Variants in GPBP1 observed in about 807,000 individuals in gnomAD.
GPBP1 encodes GC-rich promoter binding protein 1.
GPBP1 carries 13 observed loss-of-function variants against 56.5 expected under a neutral mutation model. The ratio of observed to expected loss-of-function variants is 0.23; its 90% confidence interval spans 0.15 to 0.37. GPBP1 has a LOEUF of 0.37. Among genes scored for constraint, GPBP1 ranks in the 10% least tolerant of loss-of-function variants. The pLI is 1.00. For missense variants in GPBP1, 477 were observed against 572.3 expected, an observed-to-expected ratio of 0.83 and a Z score of 1.70; for synonymous variants, 204 against 188.9, an observed-to-expected ratio of 1.08 and a Z score of -0.66.
At chr5:57,227,216 C>A (rs1045456746) in intron 3 of GPBP1, among the ~76,000 whole-genome samples, 2 of 152,102 alleles carry the variant, frequency 1.3e-5, no homozygotes, top group Non-Finnish European at 1.5e-5. Flanking sequence ...CCATACCCAG[C>A]TAATTTTTGT....
chr5:57,183,627 A>G (rs1285563198), intron 2 of GPBP1, among the ~76,000 whole-genome samples: 1 of 152,102 alleles, frequency 6.6e-6, no homozygotes, highest in Non-Finnish European at 1.5e-5. Flanking sequence ...TATGCACCAA[A>G]CAAGAACCGC....
At chr5:57,208,818 A>G (rs1433465939) in intron 2 of GPBP1, among the ~76,000 whole-genome samples, 3 of 151,588 alleles carry the variant, frequency 2.0e-5, no homozygotes, top group Non-Finnish European at 2.9e-5. Flanking sequence ...CTCCATGCCC[A>G]GCTAATACTT....
intron 2 of GPBP1, among the ~76,000 whole-genome samples, chr5:57,193,064 C>T (rs1023712521): frequency 6.6e-6 from 1 of 152,190 alleles, no homozygotes; most frequent in Non-Finnish European, 1.5e-5. Flanking sequence ...TGTCTGTAAT[C>T]CCAGCACTTT....
intron 10 of GPBP1, among the ~76,000 whole-genome samples, chr5:57,255,147 CTG>C (rs761690896): frequency 9.9e-5 from 15 of 152,088 alleles, no homozygotes; most frequent in Non-Finnish European, 1.9e-4. Flanking sequence ...AATTGTGAAA[CTG>C]TTTTCCTGTG....
chr5:57,183,681 G>A (rs1353950508), intron 2 of GPBP1, among the ~76,000 whole-genome samples: 1 of 151,932 alleles, frequency 6.6e-6, no homozygotes, highest in Non-Finnish European at 1.5e-5. Context: ...TGTAGTATAA[G>A]GGAAATACTA....
chr5:57,226,515 TGA>T (rs2111829094), intron 3 of GPBP1, among the ~76,000 whole-genome samples: 2 of 151,512 alleles, frequency 1.3e-5, no homozygotes, highest in Admixed American at 6.6e-5. Context: ...GGTAGATCAT[TGA>T]GAGAGGCAAT....
intron 6 of GPBP1, among the ~76,000 whole-genome samples, chr5:57,240,055 G>GC (rs1187185671): frequency 6.6e-6 from 1 of 152,000 alleles, no homozygotes; most frequent in Non-Finnish European, 1.5e-5. Context: ...GGGGCCAGGA[G>GC]CTCTCATAGG....
intron 11 of GPBP1, among the ~76,000 whole-genome samples, chr5:57,262,155 T>A (rs1201082118): frequency 1.3e-5 from 2 of 152,252 alleles, no homozygotes; most frequent in Non-Finnish European, 2.9e-5. Context: ...TTATGATTTC[T>A]CATTTTCAGA....
chr5:57,204,121 A>G (rs918070649), intron 2 of GPBP1, among the ~76,000 whole-genome samples: 9 of 152,232 alleles, frequency 5.9e-5, no homozygotes, highest in African/African-American at 2.2e-4. Context: ...TCTACTAAAT[A>G]TTAATAAAGT....
intron 10 of GPBP1, 44 bp downstream of exon 10, chr5:57,251,185 G>A (rs766856518): frequency 1.2e-5 from 17 of 1,470,002 alleles, no homozygotes; most frequent in South Asian, 6.5e-5. Context: ...TTCTGTATTC[G>A]AGATTTCAAT....
chr5:57,175,414 A>G, intron 1 of GPBP1, 34 bp from the exon 2 acceptor site: 1 of 398,418 alleles, frequency 2.5e-6, no homozygotes. Flanking sequence ...CAAAATCAAA[A>G]CTCAGTATAT....
At chr5:57,225,308 C>T (rs1441457252) in intron 3 of GPBP1, among the ~76,000 whole-genome samples, 1 of 143,960 alleles carries the variant, frequency 6.9e-6, no homozygotes, top group Admixed American at 8.6e-5. Flanking sequence ...ACCTGGCTAA[C>T]ATGGTGAAAC....
At chr5:57,197,422 G>C (rs565027607) in intron 2 of GPBP1, among the ~76,000 whole-genome samples, 240 of 144,796 alleles carry the variant, frequency 1.7e-3, no homozygotes, top group South Asian at 0.01. Context: ...GCATTGGTGC[G>C]ATCTTAGCTC....
chr5:57,250,548 G>GT (rs751963720), intron 9 of GPBP1, among the ~76,000 whole-genome samples: 5,221 of 131,626 alleles, frequency 0.04, 151 homozygotes, highest in African/African-American at 0.076. Context: ...ATGGTTGTTG[G>GT]TTTTTTTTTT....
chr5:57,238,240 AG>A (rs760716596), intron 6 of GPBP1, among the ~76,000 whole-genome samples: 17 of 152,098 alleles, frequency 1.1e-4, no homozygotes, highest in Non-Finnish European at 2.4e-4. Flanking sequence ...TGTATGTTCA[AG>A]TGTTAGTGTG....
chr5:57,206,950 T>A (rs1309531212), intron 2 of GPBP1, among the ~76,000 whole-genome samples: 1 of 152,056 alleles, frequency 6.6e-6, no homozygotes, highest in African/African-American at 2.4e-5. Flanking sequence ...AAAATATTTT[T>A]AAAATTAGCT....
At chr5:57,240,324 C>A (rs115729122) in intron 6 of GPBP1, among the ~76,000 whole-genome samples, 1,753 of 152,268 alleles carry the variant, frequency 0.012, 31 homozygotes, top group African/African-American at 0.04. Context: ...TTTGTTGATA[C>A]ATTAAATTTA....
chr5:57,238,298 G>A (rs1008787125), intron 6 of GPBP1, among the ~76,000 whole-genome samples: 6 of 152,204 alleles, frequency 3.9e-5, no homozygotes, highest in Non-Finnish European at 1.5e-5. Flanking sequence ...CAGGCATGGT[G>A]GCTCATGCCT....
chr5:57,233,500 G>A (rs988105543), intron 5 of GPBP1, among the ~76,000 whole-genome samples: 1 of 152,124 alleles, frequency 6.6e-6, no homozygotes, highest in African/African-American at 2.4e-5. Context: ...TTAACTACTA[G>A]TAGCCTACTG....
Sources: allele counts gnomAD v4.1 joint callset (sites outside exome capture counted in the v4.1 genomes callset), GRCh38; gene constraint gnomAD v4.1.1; transcripts MANE v1.5; gene names NCBI Gene and HGNC (gene_info 2026-07-23, HGNC 2026-07-21).